The following APBB1IP variants were observed in gnomAD, a reference collection of about 807,000 sequenced individuals.
The protein encoded by APBB1IP is amyloid beta A4 precursor protein-binding family B member 1-interacting protein.
Under a neutral mutation model 64.9 loss-of-function variants are expected in APBB1IP, and 27 were observed. The observed-to-expected ratio is 0.42, with a 90% CI of 0.31 to 0.57. The LOEUF is 0.57. Ranked by LOEUF, APBB1IP falls within the 20% of genes least tolerant of loss-of-function variation. The probability of loss-of-function intolerance (pLI) is 0.20; values close to 1 mark genes in which losing one functional copy is unlikely to be tolerated. For synonymous variants in APBB1IP, 392 were observed against 331.0 expected (o/e 1.18, Z -2.00); for missense variants, 812 against 845.5 (o/e 0.96, Z 0.49).
At chr10:26,540,541 C>T (rs944005189) in intron 10 of APBB1IP, among the ~76,000 whole-genome samples, 1 of 151,850 alleles carries the variant, frequency 6.6e-6, no homozygotes, top group Non-Finnish European at 1.5e-5. Flanking sequence ...AATATGCATT[C>T]GTTTGTAACT....
At chr10:26,548,273 G>T (rs1294579920) in intron 11 of APBB1IP, among the ~76,000 whole-genome samples, 2 of 151,870 alleles carry the variant, frequency 1.3e-5, no homozygotes, top group African/African-American at 4.8e-5. Flanking sequence ...TGCCATGTTG[G>T]TGTGCTGCAC....
chr10:26,443,488 A>G (rs1029916454), intron 2 of APBB1IP, among the ~76,000 whole-genome samples: 19 of 151,890 alleles, frequency 1.3e-4, no homozygotes, highest in African/African-American at 4.6e-4. Flanking sequence ...TAAATAAAGG[A>G]GGCAAAAGAA....
intron 9 of APBB1IP, 113 bp downstream of exon 9, chr10:26,533,638 T>C (rs144385005): frequency 5.4e-5 from 30 of 559,006 alleles, no homozygotes; most frequent in African/African-American, 5.3e-4. Context: ...AAATTTTAAG[T>C]TGGGGTGTTA....
intron 4 of APBB1IP, among the ~76,000 whole-genome samples, chr10:26,499,024 G>C (rs991912014): frequency 1.3e-5 from 2 of 152,158 alleles, no homozygotes; most frequent in East Asian, 3.8e-4. Context: ...ACCACTTTGG[G>C]AGGCCAAGGC....
chr10:26,501,475 A>G (rs1836099065), intron 5 of APBB1IP: 1 of 378,516 alleles, frequency 2.6e-6, no homozygotes, highest in Admixed American at 4.1e-5. Context: ...TACATAGAGA[A>G]TAGAAGGCAT....
At chr10:26,506,293 G>T in intron 6 of APBB1IP, among the ~76,000 whole-genome samples, 1 of 150,668 alleles carries the variant, frequency 6.6e-6, no homozygotes, top group African/African-American at 2.5e-5. Context: ...TGTCACCCAG[G>T]CTGGAGTGCA....
At chr10:26,442,708 A>G (rs1835350314) in intron 2 of APBB1IP, among the ~76,000 whole-genome samples, 1 of 152,252 alleles carries the variant, frequency 6.6e-6, no homozygotes, top group South Asian at 2.1e-4. Flanking sequence ...ACAACAAATA[A>G]TAATAAAGCC....
chr10:26,510,742 A>T (rs979046562), intron 6 of APBB1IP, among the ~76,000 whole-genome samples: 12 of 150,144 alleles, frequency 8.0e-5, no homozygotes, highest in East Asian at 2.0e-4. Flanking sequence ...TCTCACACAC[A>T]CACACACACA....
chr10:26,502,098 A>G (rs1459564860), intron 5 of APBB1IP, among the ~76,000 whole-genome samples: 1 of 152,180 alleles, frequency 6.6e-6, no homozygotes, highest in Non-Finnish European at 1.5e-5. Context: ...GTGAAGCTTT[A>G]TGGGCTTTCT....
chr10:26,472,946 G>A (rs117545665), intron 2 of APBB1IP, among the ~76,000 whole-genome samples: 42 of 128,398 alleles, frequency 3.3e-4, no homozygotes, highest in Non-Finnish European at 4.7e-4. Flanking sequence ...AAAACAAAAA[G>A]AAAAAGATCT....
At chr10:26,450,903 T>C (rs1365657248) in intron 2 of APBB1IP, among the ~76,000 whole-genome samples, 1 of 152,004 alleles carries the variant, frequency 6.6e-6, no homozygotes, top group Non-Finnish European at 1.5e-5. Flanking sequence ...ACTATATTGG[T>C]CAGGCTGGTC....
At chr10:26,520,619 A>G (rs970674305) in intron 8 of APBB1IP, among the ~76,000 whole-genome samples, 13 of 152,200 alleles carry the variant, frequency 8.5e-5, no homozygotes, top group Non-Finnish European at 1.5e-4. Context: ...GAATTCAGAG[A>G]CATTAGTGAT....
chr10:26,551,399 CCCCTTA>C (rs1836828924), intron 11 of APBB1IP, among the ~76,000 whole-genome samples: 1 of 152,196 alleles, frequency 6.6e-6, no homozygotes, highest in African/African-American at 2.4e-5. Context: ...GGGAAACCAT[CCCCTTA>C]CCGTCCAACT....
chr10:26,565,887 T>A (rs1467838040), intron 14 of APBB1IP, among the ~76,000 whole-genome samples: 1 of 151,980 alleles, frequency 6.6e-6, no homozygotes, highest in Non-Finnish European at 1.5e-5. Flanking sequence ...TCCAAAGAGG[T>A]TGGGAACTAC....
chr10:26,516,367 A>G (rs2132449389), intron 8 of APBB1IP, among the ~76,000 whole-genome samples: 1 of 151,430 alleles, frequency 6.6e-6, no homozygotes, highest in East Asian at 2.0e-4. Flanking sequence ...ACATAGAGAA[A>G]CCCCATCTCT....
chr10:26,507,367 T>C (rs1407052686), intron 6 of APBB1IP, among the ~76,000 whole-genome samples: 1 of 152,166 alleles, frequency 6.6e-6, no homozygotes, highest in Non-Finnish European at 1.5e-5. Flanking sequence ...GGCATGGCGG[T>C]TCACACATGT....
At chr10:26,517,296 CAG>C (rs1836344420) in intron 8 of APBB1IP, among the ~76,000 whole-genome samples, 1 of 152,214 alleles carries the variant, frequency 6.6e-6, no homozygotes, top group South Asian at 2.1e-4. Context: ...ATGAAGATAA[CAG>C]AGCATTCAGG....
chr10:26,439,323 G>A (rs560833474), intron 2 of APBB1IP, among the ~76,000 whole-genome samples: 2 of 152,186 alleles, frequency 1.3e-5, no homozygotes, highest in African/African-American at 2.4e-5. Flanking sequence ...AGTGTGGCTC[G>A]CAGTCTGATG....
chr10:26,488,556 G>A (rs748660218), intron 2 of APBB1IP, among the ~76,000 whole-genome samples: 1 of 152,114 alleles, frequency 6.6e-6, no homozygotes. Flanking sequence ...AAAGAAAGGA[G>A]GATATGATTC....
Sources: allele counts gnomAD v4.1 joint callset (sites outside exome capture counted in the v4.1 genomes callset), GRCh38; gene constraint gnomAD v4.1.1; transcripts MANE v1.5; gene names NCBI Gene and HGNC (gene_info 2026-07-23, HGNC 2026-07-21).